The following SLC22A23 variants were observed in gnomAD, a reference collection of about 807,000 sequenced individuals.
The protein encoded by SLC22A23 is solute carrier family 22 member 23, also known as ion transporter protein.
SLC22A23 carries 26 observed loss-of-function variants against 61.0 expected under a neutral mutation model. That is an observed-to-expected ratio of 0.43 (90% CI 0.31 to 0.59). The LOEUF (loss-of-function observed/expected upper bound fraction) is 0.59. Ranked by LOEUF, SLC22A23 falls within the 20% of genes least tolerant of loss-of-function variation. SLC22A23 has a pLI of 0.11. For missense variants in SLC22A23, 796 were observed against 934.7 expected, an observed-to-expected ratio of 0.85 and a Z score of 1.94; for synonymous variants, 430 against 413.9, an observed-to-expected ratio of 1.04 and a Z score of -0.47.
chr6:3,443,256 A>G (rs1281832894), intron 1 of SLC22A23, among the ~76,000 whole-genome samples: 1 of 152,116 alleles, frequency 6.6e-6, no homozygotes, highest in Non-Finnish European at 1.5e-5. Flanking sequence ...CTGCATTTTT[A>G]TTTTCCACGG....
At chr6:3,295,229 C>A (rs117937716) in intron 5 of SLC22A23, among the ~76,000 whole-genome samples, 1 of 152,280 alleles carries the variant, frequency 6.6e-6, no homozygotes, top group East Asian at 1.9e-4. Context: ...TGAGGGGAAG[C>A]GGGGAGAAGT....
In SLC22A23 at chr6:3,380,505, G is replaced by A. The variant is rs544098832; in HGVS notation, c.913+29683C>T. On this transcript the variant is annotated intron_variant, in intron 3 of 9. Coordinates refer to ENST00000406686, the MANE Select transcript of SLC22A23 (RefSeq NM_015482.2). ...CATTATCATGAAACTAGGCATTCCG[G>A]TAGATTTAAATCAATATGTACAAAG... Among the ~76,000 whole-genome samples, 9 of 152,218 alleles carry A rather than the reference G, an allele frequency of 5.9e-5. No homozygotes were observed. The South Asian group carries it at 1.5e-3, about 25-fold the overall frequency.
intron 1 of SLC22A23, among the ~76,000 whole-genome samples, chr6:3,447,298 C>T (rs1019738600): frequency 6.6e-6 from 1 of 152,186 alleles, no homozygotes; most frequent in Non-Finnish European, 1.5e-5. Context: ...CCTCAGCTCT[C>T]ATCTCAGATG....
At chr6:3,451,354 G>A (rs896628778) in intron 1 of SLC22A23, among the ~76,000 whole-genome samples, 3 of 152,036 alleles carry the variant, frequency 2.0e-5, no homozygotes, top group African/African-American at 7.2e-5. Context: ...GCGCCACCAC[G>A]CCCAGCTAAT....
intron 9 of SLC22A23, among the ~76,000 whole-genome samples, chr6:3,279,698 T>C (rs1759257002): frequency 6.6e-6 from 1 of 152,012 alleles, no homozygotes; most frequent in South Asian, 2.1e-4. Context: ...ATGTGGGCTC[T>C]GCCAGTGCCT....
chr6:3,315,395 G>T (rs764588033), intron 4 of SLC22A23, among the ~76,000 whole-genome samples: 1 of 152,216 alleles, frequency 6.6e-6, no homozygotes, highest in Non-Finnish European at 1.5e-5. Flanking sequence ...CCAGGACCAA[G>T]TTTGTTTTAC....
At chr6:3,398,226 G>A (rs1209747958) in intron 3 of SLC22A23, among the ~76,000 whole-genome samples, 1 of 152,146 alleles carries the variant, frequency 6.6e-6, no homozygotes, top group Non-Finnish European at 1.5e-5. Context: ...AACTGATATG[G>A]ATGGGGAAAT....
In SLC22A23 at chr6:3,410,248, T is replaced by C; in HGVS notation, c.853A>G (p.Thr285Ala). Residue 285 changes from threonine to alanine, a missense_variant, in exon 3 of 10, where the codon ACA becomes GCA. By Grantham distance (58) the Thr-to-Ala change is moderately conservative (BLOSUM62 0). Coordinates refer to ENST00000406686, the MANE Select transcript of SLC22A23 (RefSeq NM_015482.2). The surrounding 1 kb of genome is among the most constrained non-coding windows in gnomAD (Gnocchi z 5.0). ...CAAAATCCTTCAAAGAACCTGAGTG[T>C]GCTGAACATTGTCACATTCACTGAC... ...ALSVNVTMFS[T>A]LRFFEGFCLA... The C allele has an allele frequency of 6.2e-7, 1 of 1,614,064 alleles. No individual in the cohort carries two copies. The highest frequency in any genetic ancestry group is 1.3e-5 in the African/African-American group (1 of 75,046).
At chr6:3,294,584 G>A (rs374376912) in intron 5 of SLC22A23, among the ~76,000 whole-genome samples, 4 of 152,174 alleles carry the variant, frequency 2.6e-5, no homozygotes, top group East Asian at 1.9e-4. Flanking sequence ...CCCGGGTCTC[G>A]TTTTTGCATT....
chr6:3,361,324 G>A (rs901376297), intron 3 of SLC22A23, among the ~76,000 whole-genome samples: 28 of 148,224 alleles, frequency 1.9e-4, no homozygotes. Context: ...AAGGAATTGG[G>A]TCCCTTCCAT....
chr6:3,443,950 C>G (rs900462892), intron 1 of SLC22A23, among the ~76,000 whole-genome samples: 7 of 152,342 alleles, frequency 4.6e-5, no homozygotes, highest in Non-Finnish European at 1.0e-4. Flanking sequence ...CTCCCCACCC[C>G]ACTTTGTGAT....
intron 3 of SLC22A23, among the ~76,000 whole-genome samples, chr6:3,366,332 C>CAAAAAAAAAAAAAAAAAAAAAAAA (rs11387672): frequency 1.3e-5 from 1 of 74,164 alleles, no homozygotes; most frequent in African/African-American, 6.3e-5. Flanking sequence ...GACTCTGTCT[C>CAAAAAAAAAAAAAAAAAAAAAAAA]AAAAAAAAAA....
Position 3,273,288 on chromosome 6 carries a change from T to C in SLC22A23, c.1828A>G (p.Ile610Val). ...HHIIFACCTLICIICILLLPE... is the reference protein window; with the variant it reads ...HHIIFACCTLVCIICILLLPE... ...AGCAGGAGGATGCAGATGATGCAGATGAGCGTGCAGCAGGCAAAGATGATG... is the reference window on the plus strand; with the variant it reads ...AGCAGGAGGATGCAGATGATGCAGACGAGCGTGCAGCAGGCAAAGATGATG... Residue 610 changes from isoleucine to valine, a missense_variant, in exon 10 of 10, where the codon ATC becomes GTC. Physicochemically the swap from Ile to Val is conservative, Grantham distance 29. Transcript: ENST00000406686. The C allele has an allele frequency of 6.2e-7, 1 of 1,614,072 alleles. No homozygotes were observed. The highest frequency in any genetic ancestry group is 8.5e-7 in the Non-Finnish European group (1 of 1,179,960).
chr6:3,299,493 C>T (rs748366014), intron 4 of SLC22A23, among the ~76,000 whole-genome samples: 3 of 152,158 alleles, frequency 2.0e-5, no homozygotes, highest in Non-Finnish European at 2.9e-5. Flanking sequence ...TTTACCAAAG[C>T]GACAGAATCT....
chr6:3,350,793 C>T (rs1037873900), intron 3 of SLC22A23, among the ~76,000 whole-genome samples: 3 of 151,886 alleles, frequency 2.0e-5, no homozygotes, highest in African/African-American at 7.3e-5. Flanking sequence ...TCAAGGGAGA[C>T]GGAGTTATTT....
intron 9 of SLC22A23, among the ~76,000 whole-genome samples, chr6:3,275,060 C>T (rs749786587): frequency 7.2e-5 from 11 of 152,050 alleles, no homozygotes; most frequent in Non-Finnish European, 1.3e-4. Context: ...AGAAGGCTTG[C>T]CTTCCCAGTT....
chr6:3,284,217 C>T (rs1031107849), intron 8 of SLC22A23: 4 of 403,158 alleles, frequency 9.9e-6, no homozygotes, highest in Non-Finnish European at 9.2e-6. Context: ...TCATGGTGGC[C>T]TCTATTGGAA....
intron 1 of SLC22A23, among the ~76,000 whole-genome samples, chr6:3,420,138 A>G (rs2127528291): frequency 6.6e-6 from 1 of 151,908 alleles, no homozygotes; most frequent in South Asian, 2.1e-4. Context: ...ATGCCATGTG[A>G]CGCTTCTGAG....
chr6:3,287,100 A>G lies in SLC22A23; in HGVS notation c.1314-9T>C. On this transcript the variant is annotated splice_polypyrimidine_tract_variant and intron_variant, in intron 6 of 9. Transcript: ENST00000406686. ...TCCCGTACCCCGTCAGCCTGTGGAG[A>G]CATACCGAGCGGCAGTGGGTGGGCT... is the stretch of plus-strand genomic sequence containing the variant. 2 of 1,613,350 alleles carry G rather than the reference A, an allele frequency of 1.2e-6. No individual in the cohort carries two copies. Among genetic ancestry groups the G allele is most frequent in the South Asian group, 1.1e-5 (1 of 90,906 alleles).
Sources: gnomAD v4.1 joint callset for allele counts (sites outside exome capture counted in the v4.1 genomes callset) on GRCh38, gnomAD v4.1.1 for gene constraint, Gnocchi (gnomAD v3.1) non-coding constraint, MANE v1.5 for transcripts, NCBI Gene and HGNC (gene_info 2026-07-23, HGNC 2026-07-21) for gene names.